The following DLC1 variants were observed in gnomAD, a reference collection of about 807,000 sequenced individuals.
DLC1 encodes the protein DLC1 Rho GTPase activating protein, also known as rho GTPase-activating protein 7.
DLC1 carries 54 observed loss-of-function variants against 140.3 expected under a neutral mutation model. That is an observed-to-expected ratio of 0.38 (90% CI 0.31 to 0.48). The LOEUF (loss-of-function observed/expected upper bound fraction) is 0.48, where lower values mean the gene tolerates loss of function less well. Ranked by LOEUF, DLC1 falls within the 20% of genes least tolerant of loss-of-function variation. The probability of loss-of-function intolerance (pLI) is 0.96; values close to 1 mark genes in which losing one functional copy is unlikely to be tolerated. For missense variants in DLC1, 2,536 were observed against 1,907.0 expected (o/e 1.33, Z -6.14); for synonymous variants, 986 against 728.1 (o/e 1.35, Z -5.70).
intron 4 of DLC1, among the ~76,000 whole-genome samples, chr8:13,308,374 A>G (rs1028709795): frequency 6.6e-6 from 1 of 152,226 alleles, no homozygotes; most frequent in Non-Finnish European, 1.5e-5. Flanking sequence ...CTAGAATTTT[A>G]TAACTTCTTT....
chr8:13,292,303 G>A (rs1384818875), intron 5 of DLC1, among the ~76,000 whole-genome samples: 1 of 152,118 alleles, frequency 6.6e-6, no homozygotes, highest in Non-Finnish European at 1.5e-5. Context: ...AGCGGTCACT[G>A]CTCTGTTTAT....
chr8:13,554,887 C>A (rs1364311523), intron 1 of DLC1, among the ~76,000 whole-genome samples: 3 of 152,208 alleles, frequency 2.0e-5, no homozygotes, highest in African/African-American at 4.8e-5. Flanking sequence ...AAAGATCTTA[C>A]AACTGCCTGC....
At chr8:13,439,944 C>T (rs1477582342) in intron 2 of DLC1, among the ~76,000 whole-genome samples, 3 of 152,062 alleles carry the variant, frequency 2.0e-5, no homozygotes, top group East Asian at 3.9e-4. Context: ...ATCCTTAGAG[C>T]ATCTTCCCAG....
At chr8:13,406,514 T>C (rs1837568903) in intron 2 of DLC1, among the ~76,000 whole-genome samples, 1 of 152,216 alleles carries the variant, frequency 6.6e-6, no homozygotes, top group Non-Finnish European at 1.5e-5. Context: ...GAAATAGCAG[T>C]GTCTTTATTC....
intron 5 of DLC1, among the ~76,000 whole-genome samples, chr8:13,226,203 T>G (rs974710113): frequency 7.9e-5 from 12 of 152,226 alleles, no homozygotes; most frequent in African/African-American, 2.9e-4. Context: ...AATGAGCCAC[T>G]ATGCCCAGCC....
intron 5 of DLC1, among the ~76,000 whole-genome samples, chr8:13,141,303 A>G (rs954009319): frequency 3.4e-5 from 5 of 148,798 alleles, no homozygotes; most frequent in African/African-American, 1.2e-4. Context: ...CTAAAAAGCT[A>G]GCAGAGATCT....
intron 2 of DLC1, among the ~76,000 whole-genome samples, chr8:13,440,445 A>G (rs565029634): frequency 1.3e-5 from 2 of 152,150 alleles, no homozygotes; most frequent in East Asian, 1.9e-4. Context: ...GCTCTCCTTT[A>G]TTAGCTACAT....
intron 2 of DLC1, among the ~76,000 whole-genome samples, chr8:13,472,993 T>A (rs1800280860): frequency 6.6e-6 from 1 of 152,144 alleles, no homozygotes; most frequent in African/African-American, 2.4e-5. Flanking sequence ...AATATCTACC[T>A]TTGAACTAAG....
intron 5 of DLC1, among the ~76,000 whole-genome samples, chr8:13,130,941 G>T (rs1822022198): frequency 6.6e-6 from 1 of 152,218 alleles, no homozygotes; most frequent in Non-Finnish European, 1.5e-5. Flanking sequence ...AATGCAAAAA[G>T]TATGCATCTG....
chr8:13,132,816 C>A, intron 5 of DLC1: 3 of 1,184,110 alleles, frequency 2.5e-6, no homozygotes, highest in Admixed American at 4.0e-5. Flanking sequence ...GGAGACTCTG[C>A]AGAAAGCGTT....
rs544550072 is a variant in DLC1, at chr8:13,095,156, C to A, written c.3257G>T (p.Arg1086Leu). The A allele has an allele frequency of 1.5e-5, 25 of 1,614,122 alleles. No individual in the cohort carries two copies. The highest frequency in any genetic ancestry group is 1.6e-5 in the Non-Finnish European group (19 of 1,180,054). ...FGVPLTVNVQRTGQPLPQSIQ... is the reference protein window; with the variant it reads ...FGVPLTVNVQLTGQPLPQSIQ... ...GCTCTGAGGCAACGGTTGTCCTGTG[C>A]GCTGCACGTTGACCGTCAGTGGGAC... The change falls in exon 11 of 18, where the codon CGC (arginine) becomes CTC (leucine). Residue 1086 changes from arginine to leucine, a missense_variant. Physicochemically the swap from Arg to Leu is moderately radical, Grantham distance 102. Coordinates refer to ENST00000276297, the MANE Select transcript of DLC1 (RefSeq NM_182643.3).
At chr8:13,357,208 C>T (rs902292955) in intron 4 of DLC1, among the ~76,000 whole-genome samples, 2 of 152,008 alleles carry the variant, frequency 1.3e-5, no homozygotes, top group African/African-American at 4.8e-5. Flanking sequence ...GAGGTAGAGG[C>T]TGCAGTGAGC....
intron 1 of DLC1, among the ~76,000 whole-genome samples, chr8:13,513,877 G>A (rs1802482731): frequency 6.6e-6 from 1 of 152,122 alleles, no homozygotes; most frequent in South Asian, 2.1e-4. Context: ...CATTGAGATT[G>A]ACTTCAGTTA....
At chr8:13,331,295 G>T (rs13266051) in intron 4 of DLC1, among the ~76,000 whole-genome samples, 33,839 of 152,014 alleles carry the variant, frequency 0.22, 4,047 homozygotes, top group Admixed American at 0.26. Flanking sequence ...TATTCGTTTG[G>T]GTGGCAATTC....
At chr8:13,325,768 C>T (rs577010676) in intron 4 of DLC1, among the ~76,000 whole-genome samples, 39 of 152,280 alleles carry the variant, frequency 2.6e-4, no homozygotes, top group African/African-American at 9.1e-4. Flanking sequence ...AAAAGATTGT[C>T]TTCTTGCATC....
chr8:13,097,723 C>G (rs1011393533), intron 10 of DLC1, among the ~76,000 whole-genome samples: 5 of 152,086 alleles, frequency 3.3e-5, no homozygotes, highest in African/African-American at 1.2e-4. Context: ...GTGGATTATT[C>G]TTAATATTGG....
intron 5 of DLC1, among the ~76,000 whole-genome samples, chr8:13,158,745 C>A (rs1406722682): frequency 1.0e-5 from 1 of 95,282 alleles, no homozygotes; most frequent in African/African-American, 5.5e-5. Context: ...CCCCCCCCCC[C>A]CCGCCCGCCA....
intron 4 of DLC1, among the ~76,000 whole-genome samples, chr8:13,371,534 C>T (rs1835729478): frequency 6.6e-6 from 1 of 151,822 alleles, no homozygotes; most frequent in Admixed American, 6.6e-5. Flanking sequence ...ACTGCTAGTC[C>T]TCAAACATGC....
intron 6 of DLC1, 28 bp from the exon 7 acceptor site, chr8:13,110,851 G>A (rs1176231741): frequency 6.2e-7 from 1 of 1,610,746 alleles, no homozygotes; most frequent in Non-Finnish European, 8.5e-7. Flanking sequence ...AGATGTATTT[G>A]TTGAGCGCCT....
Sources: allele counts gnomAD v4.1 joint callset (sites outside exome capture counted in the v4.1 genomes callset), GRCh38; gene constraint gnomAD v4.1.1; transcripts MANE v1.5; gene names NCBI Gene and HGNC (gene_info 2026-07-23, HGNC 2026-07-21).